The following KIF14 variants were observed in gnomAD, a reference collection of about 807,000 sequenced individuals.
KIF14 encodes the protein kinesin-like protein KIF14.
In KIF14, 98 loss-of-function variants were observed where a neutral mutation model predicts 176.2. The observed-to-expected ratio is 0.56, with a 90% CI of 0.47 to 0.66. KIF14 has a LOEUF of 0.66. Ranked by LOEUF, KIF14 falls within the 30% of genes least tolerant of loss-of-function variation. KIF14 has a pLI of 0.00. For synonymous variants in KIF14, 566 were observed against 632.2 expected, an observed-to-expected ratio of 0.90 and a Z score of 1.57; for missense variants, 1,751 against 1,920.4, an observed-to-expected ratio of 0.91 and a Z score of 1.65.
intron 5 of KIF14, among the ~76,000 whole-genome samples, chr1:200,608,113 C>T (rs1659973554): frequency 6.6e-6 from 1 of 152,088 alleles, no homozygotes; most frequent in African/African-American, 2.4e-5. Context: ...TTCTATTTCA[C>T]AGATTATCTA....
At chr1:200,578,051 TA>T (rs1470974716) in intron 21 of KIF14, among the ~76,000 whole-genome samples, 3 of 152,186 alleles carry the variant, frequency 2.0e-5, no homozygotes, top group Admixed American at 1.3e-4. Flanking sequence ...TATCTTTTTC[TA>T]AAAAGTCTTT....
In KIF14 at chr1:200,603,346, A is replaced by C; in HGVS notation, c.1864-5T>G. 1 of 1,491,588 alleles carries C rather than the reference A, an allele frequency of 6.7e-7. No individual in the cohort carries two copies. The highest frequency in any genetic ancestry group is 9.2e-7 in the Non-Finnish European group (1 of 1,090,368). 92.4% of individuals were successfully genotyped at this position (1,491,588 alleles called of 1,614,324 possible). On this transcript the variant is annotated splice_region_variant and splice_polypyrimidine_tract_variant and intron_variant, in intron 9 of 29. Coordinates refer to ENST00000367350, the MANE Select transcript of KIF14 (RefSeq NM_014875.3). ...CTTATTAATACTCACACCTTCCTGC[A>C]TGCAAGAAAAAAAAAATTTTTAACT...
At chr1:200,613,254 A>G (rs1660247390) in intron 4 of KIF14, among the ~76,000 whole-genome samples, 2 of 152,176 alleles carry the variant, frequency 1.3e-5, no homozygotes. Flanking sequence ...AACAATTTAT[A>G]GATTCCCAAA....
At chr1:200,572,106 G>A (rs944069155) in intron 22 of KIF14, among the ~76,000 whole-genome samples, 1 of 152,140 alleles carries the variant, frequency 6.6e-6, no homozygotes, top group African/African-American at 2.4e-5. Context: ...TTGTTACAAG[G>A]CTGAAACTTC....
chr1:200,606,808 G>A lies in KIF14; in HGVS notation c.1555-10C>T. The A allele has an allele frequency of 1.3e-6, 2 of 1,599,180 alleles. 1 individual carries two copies. Among genetic ancestry groups the A allele is most frequent in the Admixed American group, 3.3e-5 (2 of 59,968 alleles). On this transcript the variant is annotated splice_polypyrimidine_tract_variant and intron_variant, in intron 5 of 29. Transcript: ENST00000367350. ...GTTCCCTCACTCTCAGCTAGAAGAA[G>A]CAAATACATGCATCATTAGGAGTAT...
rs1657384754 is a variant in KIF14 at position 200,565,258 on chromosome 1, G to A, written c.3887-5C>T. ...TTGCTCGATCAGAAGAAAACACTTT[G>A]AAAGAAGAAGAAAAATTACTGAATG... On this transcript the variant is annotated splice_polypyrimidine_tract_variant and splice_region_variant and intron_variant, in intron 24 of 29. Transcript: ENST00000367350. The A allele has an allele frequency of 6.3e-7, 1 of 1,578,092 alleles. No individual in the cohort carries two copies. The highest frequency in any genetic ancestry group is 1.2e-5 in the South Asian group (1 of 85,610).
Position 200,568,920 on chromosome 1 carries a change from A to G in KIF14, c.3661+991T>C, listed in dbSNP as rs138099538. Among the ~76,000 whole-genome samples, 1,121 of 120,744 alleles carry G rather than the reference A, an allele frequency of 9.3e-3. 11 individuals carry two copies. The highest frequency in any genetic ancestry group is 0.033 in the African/African-American group (1,000 of 30,304). 79.2% of individuals were successfully genotyped at this position (120,744 alleles called of 152,430 possible). ...TAGTAGTCTATTGTTAGCAGGTAGTAATTTTTTTTTTTTTTTTTTTTTGAG... is the reference window on the plus strand; with the variant it reads ...TAGTAGTCTATTGTTAGCAGGTAGTGATTTTTTTTTTTTTTTTTTTTTGAG... On this transcript the variant is annotated intron_variant, in intron 23 of 29. Coordinates refer to ENST00000367350, the MANE Select transcript of KIF14 (RefSeq NM_014875.3).
chr1:200,599,128 A>G (rs1294535298), intron 13 of KIF14, among the ~76,000 whole-genome samples: 1 of 152,116 alleles, frequency 6.6e-6, no homozygotes, highest in African/African-American at 2.4e-5. Flanking sequence ...AATCCATCTT[A>G]TATCCTATGC....
At chr1:200,588,120 A>G (rs1658849959) in intron 18 of KIF14, among the ~76,000 whole-genome samples, 1 of 152,178 alleles carries the variant, frequency 6.6e-6, no homozygotes, top group African/African-American at 2.4e-5. Flanking sequence ...GTGGCTTGCA[A>G]ACTTTAGTGT....
Position 200,581,357 on chromosome 1 carries a change from G to A in KIF14, c.3242-63C>T, listed in dbSNP as rs572071230. The A allele has an allele frequency of 4.0e-4, 322 of 797,836 alleles. No individual in the cohort carries two copies. The African/African-American group carries it at 5.4e-3, about 13-fold the overall frequency. 49.4% of individuals were successfully genotyped at this position (797,836 alleles called of 1,614,324 possible). On this transcript the variant is annotated intron_variant, in intron 19 of 29. Transcript: ENST00000367350. ...CATGGACACTAACATATACCATTAG[G>A]CAAAACAATTCCTAAAAAAAAAATC...
In KIF14 at chr1:200,589,363, CTT is replaced by C; in HGVS notation, c.2966_2967del (p.Glu989GlyfsTer12). The C allele has an allele frequency of 6.2e-7, 1 of 1,601,958 alleles. No individual in the cohort carries two copies. Among genetic ancestry groups the C allele is most frequent in the South Asian group, 1.1e-5 (1 of 88,934 alleles). On this transcript the variant is annotated frameshift_variant, in exon 18 of 30. Transcript: ENST00000367350. LOFTEE classifies it high-confidence loss of function. ...TCCTGCATTTTTTTCCTTTGAGACT[CTT>C]CTCTCTTTAAAGAACAATAATAAAA... Reference protein sequence around the residue: ...KIKALEAELREESQRKKMQEI... With the variant: ...KIKALEAELRXESQRKKMQEI...
intron 8 of KIF14, among the ~76,000 whole-genome samples, chr1:200,604,283 G>A (rs1352358358): frequency 6.6e-6 from 1 of 152,070 alleles, no homozygotes; most frequent in African/African-American, 2.4e-5. Context: ...GCTCAGACTA[G>A]TCTCAAACTC....
Position 200,586,116 on chromosome 1 carries a change from C to A in KIF14, c.3226G>T (p.Asp1076Tyr). The part of the protein sequence containing the change: ...QILQQNRNNR[D>Y]KTFTVQTTWS... Reference sequence around the variant, plus strand: ...ACACACTTACCTGTAAAAGTTTTATCCCTATTATTCCGATTCTGCTGTAGA... The same window carrying A: ...ACACACTTACCTGTAAAAGTTTTATACCTATTATTCCGATTCTGCTGTAGA... The change falls in exon 19 of 30, where the codon GAT becomes TAT. Residue 1076 changes from aspartate (D) to tyrosine (Y), a missense_variant. Physicochemically the swap from Asp to Tyr is radical, Grantham distance 160 (BLOSUM62 -3). Coordinates refer to ENST00000367350, the MANE Select transcript of KIF14 (RefSeq NM_014875.3). 6.4e-7 allele frequency: 1 copy of A among 1,569,668 alleles called. No individual in the cohort carries two copies. Among genetic ancestry groups the A allele is most frequent in the Non-Finnish European group, 8.7e-7 (1 of 1,152,472 alleles).
At chr1:200,610,227 G>A (rs1355341062) in intron 4 of KIF14, among the ~76,000 whole-genome samples, 3 of 152,090 alleles carry the variant, frequency 2.0e-5, no homozygotes, top group Admixed American at 6.6e-5. Context: ...TTGGCTGGGC[G>A]CGGTGGCTCA....
chr1:200,573,451 T>TTTTTTTA (rs1657933022), intron 22 of KIF14, among the ~76,000 whole-genome samples: 1 of 92,772 alleles, frequency 1.1e-5, no homozygotes, highest in Non-Finnish European at 2.3e-5. Context: ...TTTTTTTTTT[T>TTTTTTTA]GAGACGGAGT....
chr1:200,587,690 C>T (rs985930774), intron 18 of KIF14, among the ~76,000 whole-genome samples: 2 of 152,100 alleles, frequency 1.3e-5, no homozygotes, highest in African/African-American at 4.8e-5. Flanking sequence ...GTGGCAGACA[C>T]CTGTAATCCC....
At chr1:200,609,840 G>A (rs1432844247) in intron 4 of KIF14, among the ~76,000 whole-genome samples, 2 of 152,194 alleles carry the variant, frequency 1.3e-5, no homozygotes, top group Admixed American at 6.5e-5. Flanking sequence ...GGCAATATCT[G>A]TACAATGAAA....
chr1:200,575,480 C>A (rs552805853), intron 22 of KIF14, 111 bp downstream of exon 22: 4 of 475,964 alleles, frequency 8.4e-6, no homozygotes, highest in Non-Finnish European at 1.1e-5. Context: ...ATCATGACAA[C>A]GGTTCTTTTA....
At chr1:200,601,075 G>T (rs556280882) in intron 11 of KIF14, among the ~76,000 whole-genome samples, 120 of 152,234 alleles carry the variant, frequency 7.9e-4, no homozygotes, top group Non-Finnish European at 1.4e-3. Flanking sequence ...TAGAGACAGG[G>T]TTTCCCCATG....
Sources: allele counts gnomAD v4.1 joint callset (sites outside exome capture counted in the v4.1 genomes callset), GRCh38; gene constraint gnomAD v4.1.1; transcripts MANE v1.5; gene names NCBI Gene and HGNC (gene_info 2026-07-23, HGNC 2026-07-21).